Variants in E2F8 observed in about 807,000 individuals in gnomAD.
E2F8 encodes E2F transcription factor 8.
E2F8 carries 35 observed loss-of-function variants against 80.8 expected under a neutral mutation model. The observed-to-expected ratio is 0.43, with a 90% CI of 0.33 to 0.57. The LOEUF (loss-of-function observed/expected upper bound fraction) is 0.57, where lower values mean the gene tolerates loss of function less well. E2F8 is among the 20% of genes least tolerant of loss of function. The pLI is 0.04. For missense variants in E2F8, 975 were observed against 1,056.2 expected, an observed-to-expected ratio of 0.92 and a Z score of 1.07; for synonymous variants, 386 against 395.0, an observed-to-expected ratio of 0.98 and a Z score of 0.27.
chr11:19,238,101 C>G lies in E2F8; in HGVS notation c.47G>C (p.Gly16Ala). The G allele has an allele frequency of 6.2e-7, 1 of 1,613,896 alleles. No homozygotes were observed. Among genetic ancestry groups the G allele is most frequent in the Non-Finnish European group, 8.5e-7 (1 of 1,179,946 alleles). Residue 16 changes from glycine to alanine, a missense_variant, in exon 3 of 13, where the codon GGA becomes GCA. Transcript: ENST00000250024. ...TTCTTTCAGAGGTGTTTTCATTAGTCCCCTTTTATGTGGCTCACAAAAGAG... is the reference window on the plus strand; with the variant it reads ...TTCTTTCAGAGGTGTTTTCATTAGTGCCCTTTTATGTGGCTCACAAAAGAG... ...ENLFCEPHKR[G>A]LMKTPLKEST...
rs1412672989 is a variant in E2F8 at position 19,224,464 on chromosome 11, AAT to A, written c.*192_*193del. The A allele has an allele frequency of 7.8e-5, 36 of 460,886 alleles. No homozygotes were observed. Among genetic ancestry groups the A allele is most frequent in the Non-Finnish European group, 1.1e-4 (31 of 276,734 alleles). 28.5% of individuals were successfully genotyped at this position (460,886 alleles called of 1,614,324 possible). A position where few individuals can be genotyped will look rare whatever the true frequency, so the allele number is the denominator to read the frequency against. ...TGAAAGCTAAACTTAGCTTTATACA[AAT>A]ATATGTGTGTGTGTGTGTGTGTGTG... is the stretch of plus-strand genomic sequence containing the variant. On this transcript the variant is annotated 3_prime_UTR_variant, in exon 13 of 13. Transcript: ENST00000250024.
At chr11:19,225,042 A>G (rs1851192970) in intron 12 of E2F8, 179 bp downstream of exon 12, 1 of 1,138,502 alleles carries the variant, frequency 8.8e-7, no homozygotes, top group African/African-American at 1.6e-5. Flanking sequence ...TGATAACCCA[A>G]CAATATGGAT....
chr11:19,240,537 G>C lies in E2F8; in HGVS notation c.-110+11C>G. The C allele has an allele frequency of 6.5e-6, 1 of 154,060 alleles. No homozygotes were observed. The highest frequency in any genetic ancestry group is 1.4e-5 in the Non-Finnish European group (1 of 69,264). The allele number at this position is 154,060 out of a possible 1,614,324, so 9.5% of individuals were successfully genotyped here. On this transcript the variant is annotated intron_variant, in intron 1 of 12. Coordinates refer to ENST00000250024, the MANE Select transcript of E2F8 (RefSeq NM_024680.4). The stretch of plus-strand genomic sequence containing the variant: ...CTCCGGACCCCAGCGAATACTTTAG[G>C]AAGCACCCACCTGTTCGCAGATCAG...
In E2F8 at chr11:19,236,463, GCCCTTTTTGTTTACGGATGTAT is replaced by G. The variant is rs1447600027; in HGVS notation, c.451+829_451+850del. Among the ~76,000 whole-genome samples, 11 of 152,196 alleles carry G rather than the reference GCCCTTTTTGTTTACGGATGTAT, an allele frequency of 7.2e-5. No individual in the cohort carries two copies. In the East Asian group the frequency reaches 1.9e-3, roughly 27 times the overall value. ...TAGGTTCTAAGAGAGAAGAGATTTT[GCCCTTTTTGTTTACGGATGTAT>G]CCCAGGCTCCTACAACATTGCCTGA... is the stretch of plus-strand genomic sequence containing the variant. On this transcript the variant is annotated intron_variant, in intron 4 of 12. Coordinates refer to ENST00000250024, the MANE Select transcript of E2F8 (RefSeq NM_024680.4).
chr11:19,230,231 G>A lies in E2F8; in HGVS notation c.1358+10C>T. 1 of 1,607,678 alleles carries A rather than the reference G, an allele frequency of 6.2e-7. No individual in the cohort carries two copies. The highest frequency in any genetic ancestry group is 1.1e-5 in the South Asian group (1 of 89,184). On this transcript the variant is annotated intron_variant, in intron 9 of 12. Transcript: ENST00000250024. ...ATTCATCCTGTTATTAAAGAGGATT[G>A]CCAACCTACCTTGATTGCTCTTCTA...
chr11:19,234,956 T>C lies in E2F8; in HGVS notation c.554A>G (p.Asn185Ser), dbSNP rs1265408353. 3 of 1,614,136 alleles carry C rather than the reference T, an allele frequency of 1.9e-6. No individual in the cohort carries two copies. In the Admixed American group the frequency reaches 5.0e-5, roughly 27 times the overall value. ...KNRYTWHGRHNLNKTLGTLKS... is the reference protein window; with the variant it reads ...KNRYTWHGRHSLNKTLGTLKS... ...CAAGGTGCCAAGGGTTTTGTTGAGATTGTGTCGCCCGTGCCAAGTGTACCT... is the reference window on the plus strand; with the variant it reads ...CAAGGTGCCAAGGGTTTTGTTGAGACTGTGTCGCCCGTGCCAAGTGTACCT... Residue 185 changes from asparagine (N) to serine (S), a missense_variant, in exon 5 of 13, where the codon AAT becomes AGT. By Grantham distance (46) the Asn-to-Ser change is conservative. Coordinates refer to ENST00000250024, the MANE Select transcript of E2F8 (RefSeq NM_024680.4).
chr11:19,228,508 CA>C (rs1851290829), intron 10 of E2F8, among the ~76,000 whole-genome samples: 1 of 152,218 alleles, frequency 6.6e-6, no homozygotes, highest in Non-Finnish European at 1.5e-5. Flanking sequence ...TGCCCACAGG[CA>C]AGTACCCAAA....
rs754251980 is a variant in E2F8, at chr11:19,234,889, C to A, written c.621G>T (p.Met207Ile). Residue 207 changes from methionine (M) to isoleucine (I), a missense_variant, in exon 5 of 13, where the codon ATG becomes ATT. Coordinates refer to ENST00000250024, the MANE Select transcript of E2F8 (RefSeq NM_024680.4). ...GCTCATATTCTTTCTTTTTGATCAT[C>A]ATAATCTGCTCGGCGTACTTATTCT... ...GEENKYAEQI[M>I]MIKKKEYEQE... 1.2e-6 allele frequency: 2 copies of A among 1,614,066 alleles called. No homozygotes were observed. The highest frequency in any genetic ancestry group is 8.5e-7 in the Non-Finnish European group (1 of 1,180,046).
chr11:19,229,488 T>G lies in E2F8; in HGVS notation c.1859A>C (p.Lys620Thr). The G allele has an allele frequency of 6.2e-7, 1 of 1,614,062 alleles. No homozygotes were observed. The highest frequency in any genetic ancestry group is 8.5e-7 in the Non-Finnish European group (1 of 1,179,992). The change falls in exon 10 of 13, where the codon AAA becomes ACA. Residue 620 changes from lysine to threonine, a missense_variant. Transcript: ENST00000250024. This position sits in a 1 kb window ranked among gnomAD's most constrained non-coding sequence, Gnocchi z 4.3. ...LEDSGSKKKF[K>T]EDLKGLENVS... Reference sequence around the variant, plus strand: ...ATTTTCAAGTCCTTTTAGGTCCTCTTTAAATTTCTTTTTGGAACCACTGTC... The same window carrying G: ...ATTTTCAAGTCCTTTTAGGTCCTCTGTAAATTTCTTTTTGGAACCACTGTC...
At chr11:19,237,201 G>T in intron 4 of E2F8, 113 bp downstream of exon 4, 1 of 1,048,036 alleles carries the variant, frequency 9.5e-7, no homozygotes, top group Non-Finnish European at 1.4e-6. Context: ...TTTCCATGCC[G>T]GCTTATTTGT....
intron 6 of E2F8, among the ~76,000 whole-genome samples, chr11:19,234,141 C>T (rs963936199): frequency 1.8e-5 from 2 of 112,582 alleles, no homozygotes; most frequent in South Asian, 3.0e-4. Flanking sequence ...AGCTAGACTC[C>T]GTCTAAAAAA....
chr11:19,230,903 C>T (rs1464070148), intron 7 of E2F8, 69 bp from the exon 8 acceptor site: 1 of 1,453,218 alleles, frequency 6.9e-7, no homozygotes, highest in Non-Finnish European at 9.5e-7. Context: ...TGAAATAAAA[C>T]AATTTTAGGA....
Position 19,225,623 on chromosome 11 carries a change from GA to G in E2F8, c.2027-9del. Reference sequence around the variant, plus strand: ...ATGTCACTGGAATAACACCTGGAAGGAAAAGGGGGAAGATATCTTAAAAGCA... The same window carrying G: ...ATGTCACTGGAATAACACCTGGAAGGAAAGGGGGAAGATATCTTAAAAGCA... On this transcript the variant is annotated splice_polypyrimidine_tract_variant and intron_variant, in intron 11 of 12. Transcript: ENST00000250024. 1.2e-6 allele frequency: 2 copies of G among 1,611,928 alleles called. No individual in the cohort carries two copies. Among genetic ancestry groups the G allele is most frequent in the South Asian group, 1.1e-5 (1 of 90,966 alleles).
intron 7 of E2F8, among the ~76,000 whole-genome samples, chr11:19,232,019 T>C (rs1341363500): frequency 6.6e-6 from 1 of 152,186 alleles, no homozygotes; most frequent in African/African-American, 2.4e-5. Flanking sequence ...TGAGATCATG[T>C]CCTCTGTGGG....
Position 19,224,845 on chromosome 11 carries a change from T to C in E2F8, c.2422-5A>G. ...TTTGGGTGTCACAGGAACAGGCTGA[T>C]TGGAAAGAGAAGAATGGACAAAAGA... On this transcript the variant is annotated splice_polypyrimidine_tract_variant and splice_region_variant and intron_variant, in intron 12 of 12. Transcript: ENST00000250024. The C allele has an allele frequency of 6.2e-7, 1 of 1,613,954 alleles. No individual in the cohort carries two copies. The highest frequency in any genetic ancestry group is 8.5e-7 in the Non-Finnish European group (1 of 1,179,972).
intron 4 of E2F8, among the ~76,000 whole-genome samples, chr11:19,236,032 G>T (rs182230823): frequency 1.3e-3 from 193 of 152,102 alleles, no homozygotes; most frequent in African/African-American, 4.6e-3. Flanking sequence ...AATTCTCTTC[G>T]TTCAAGAAAC....
At chr11:19,239,339 G>T (rs1479901458) in intron 2 of E2F8, among the ~76,000 whole-genome samples, 1 of 152,162 alleles carries the variant, frequency 6.6e-6, no homozygotes. Context: ...GCCAGTGTGT[G>T]CATCTGAGAT....
At position 19,238,019 on chromosome 11, in the gene E2F8, G is replaced by T. The variant is rs202133273; in HGVS notation, c.129C>A (p.Thr43=). Reference sequence around the variant, plus strand: ...AGCCTTCCTTGGGCTTGGTAGGTGTGGTTAAAGGGCCAAAGTCAGGCTGGA... The same window carrying T: ...AGCCTTCCTTGGGCTTGGTAGGTGTTGTTAAAGGGCCAAAGTCAGGCTGGA... ...AEIQPDFGPL[T]TPTKPKEGSQ... Residue 43 remains threonine (T), a synonymous_variant, in exon 3 of 13, where the codon ACC becomes ACA. Coordinates refer to ENST00000250024, the MANE Select transcript of E2F8 (RefSeq NM_024680.4). 6.2e-7 allele frequency: 1 copy of T among 1,614,144 alleles called. No homozygotes were observed. Among genetic ancestry groups the T allele is most frequent in the East Asian group, 2.2e-5 (1 of 44,884 alleles).
chr11:19,240,932 G>T lies in E2F8; in HGVS notation c.-494C>A, dbSNP rs1433338012. The T allele has an allele frequency of 6.6e-6, 1 of 152,406 alleles. No homozygotes were observed. Among genetic ancestry groups the T allele is most frequent in the Non-Finnish European group, 1.5e-5 (1 of 68,254 alleles). 9.4% of individuals were successfully genotyped at this position (152,406 alleles called of 1,614,324 possible). On this transcript the variant is annotated 5_prime_UTR_variant, in exon 1 of 13. Coordinates refer to ENST00000250024, the MANE Select transcript of E2F8 (RefSeq NM_024680.4). ...GGCAAGCAGGTACTGTCCCCCGGCC[G>T]CCACTCGCTCAGTGCACTTCCCCCA...
Sources: allele counts gnomAD v4.1 joint callset (sites outside exome capture counted in the v4.1 genomes callset), GRCh38; gene constraint gnomAD v4.1.1; non-coding constraint Gnocchi (gnomAD v3.1); transcripts MANE v1.5; gene names NCBI Gene and HGNC (gene_info 2026-07-23, HGNC 2026-07-21).